FKBP11: variants seen among roughly 807,000 people sequenced by gnomAD.
FKBP11 encodes FKBP prolyl isomerase 11, also known as peptidyl-prolyl cis-trans isomerase FKBP11.
A neutral mutation model predicts 24.7 loss-of-function variants in FKBP11; 21 were observed. The ratio of observed to expected loss-of-function variants is 0.85; its 90% CI spans 0.60 to 1.23. The LOEUF (loss-of-function observed/expected upper bound fraction) is 1.23. FKBP11 is among the 50% of genes most tolerant of loss of function. FKBP11 has a pLI of 0.00. For missense variants in FKBP11, 245 were observed against 248.7 expected (o/e 0.99, Z 0.10); for synonymous variants, 106 against 100.6 (o/e 1.05, Z -0.32).
the FKBP11 span, among the ~76,000 whole-genome samples, chr12:48,932,221 ATATATT>A: frequency 2.5e-4 from 14 of 55,172 alleles, no homozygotes; most frequent in Middle Eastern, 0.01. Flanking sequence ...TCATATAAAC[ATATATT>A]TATATATATA....
chr12:48,924,763 G>C (rs2293449), intron 2 of FKBP11, 115 bp from the exon 3 acceptor site: 2 of 1,522,728 alleles, frequency 1.3e-6, no homozygotes, highest in African/African-American at 1.4e-5. Flanking sequence ...GCAGCCTAGC[G>C]TTCCCCTTAC....
intron 2 of FKBP11, 88 bp downstream of exon 2, chr12:48,924,958 G>T: frequency 8.1e-6 from 12 of 1,488,832 alleles, no homozygotes; most frequent in Admixed American, 2.3e-5. Flanking sequence ...CTCCCGAACC[G>T]CTTGCCACGT....
chr12:48,933,746 T>C, the FKBP11 span, among the ~76,000 whole-genome samples: 1 of 147,916 alleles, frequency 6.8e-6, no homozygotes, highest in South Asian at 2.1e-4. Context: ...GCACTCATAA[T>C]CCCAGCAACT....
chr12:48,935,378 T>C, the FKBP11 span, among the ~76,000 whole-genome samples: 1 of 152,206 alleles, frequency 6.6e-6, no homozygotes, highest in Admixed American at 6.5e-5. Flanking sequence ...GCCTAAATCC[T>C]ATCCCTTTCC....
At chr12:48,925,175 G>C in intron 1 of FKBP11, 64 bp from the exon 2 acceptor site, 1 of 1,596,122 alleles carries the variant, frequency 6.3e-7, no homozygotes, top group Non-Finnish European at 8.5e-7. Flanking sequence ...CCCTAGACCC[G>C]GCACCACCCC....
Position 48,922,217 on chromosome 12 carries a change from GGT to G in FKBP11, c.389-18_389-17del, listed in dbSNP as rs747670884. ...ACTGCATCCGCTGGAGAGGCAGAGG[GGT>G]GGAGAGGGTTAGACTCTCTGCATTT... On this transcript the variant is annotated splice_polypyrimidine_tract_variant and intron_variant, in intron 5 of 5. Transcript: ENST00000550765. 1 of 1,605,052 alleles carries G rather than the reference GGT, an allele frequency of 6.2e-7. No homozygotes were observed. Among genetic ancestry groups the G allele is most frequent in the Non-Finnish European group, 8.5e-7 (1 of 1,173,178 alleles).
At chr12:48,931,537 C>T in the FKBP11 span, 2 of 1,389,412 alleles carry the variant, frequency 1.4e-6, no homozygotes, top group Non-Finnish European at 2.0e-6. Context: ...AGAGTTGGCC[C>T]ACCCCTGGCT....
At chr12:48,936,018 G>A in the FKBP11 span, 2 of 152,234 alleles carry the variant, frequency 1.3e-5, no homozygotes, top group Non-Finnish European at 2.9e-5. Context: ...GGTATGATGG[G>A]AAGAAATAAC....
rs907202604 is a variant in FKBP11, at chr12:48,923,814, T to C, written c.356A>G (p.Tyr119Cys). 5.6e-6 allele frequency: 9 copies of C among 1,614,136 alleles called. No homozygotes were observed. Among genetic ancestry groups the C allele is most frequent in the African/African-American group, 2.7e-5 (2 of 75,022 alleles). ...RRAIIPSHLAYGKRGFPPSVP... is the reference protein window; with the variant it reads ...RRAIIPSHLACGKRGFPPSVP... ...AGATGGTGGAAATCCCCGTTTTCCA[T>C]AGGCCAAGTGAGAAGGAATGATTGC... Residue 119 changes from tyrosine (Y) to cysteine (C), a missense_variant, in exon 5 of 6, where the codon TAT becomes TGT. By Grantham distance (194) the Tyr-to-Cys change is radical. Transcript: ENST00000550765.
intron 2 of FKBP11, 74 bp downstream of exon 2, chr12:48,924,972 C>G: frequency 6.5e-7 from 1 of 1,531,906 alleles, no homozygotes; most frequent in African/African-American, 1.4e-5. Flanking sequence ...GCCACGTGTC[C>G]AAGCCAAAGC....
At chr12:48,922,848 G>T (rs1334119299) in intron 5 of FKBP11, 23 of 1,025,366 alleles carry the variant, frequency 2.2e-5, no homozygotes, top group Non-Finnish European at 2.6e-5. Flanking sequence ...CTGGAACTAG[G>T]ATAAGAATTA....
chr12:48,925,094 T>A lies in FKBP11; in HGVS notation c.147A>T (p.Pro49=), dbSNP rs781630028. 2.6e-6 allele frequency: 4 copies of A among 1,530,622 alleles called. No homozygotes were observed. Among genetic ancestry groups the A allele is most frequent in the Non-Finnish European group, 3.5e-6 (4 of 1,127,930 alleles). The allele number at this position is 1,530,622 out of a possible 1,614,324, so 94.8% of individuals were successfully genotyped here. A position where few individuals can be genotyped will look rare whatever the true frequency, so the allele number is the denominator to read the frequency against. The change falls in exon 2 of 6, where the codon CCA becomes CCT. Residue 49 remains proline, a synonymous_variant. Transcript: ENST00000550765. The part of the protein sequence containing the change: ...QVETLVEPPE[P]CAEPAAFGDT... ...CTCCAAAAGCAGCGGGCTCGGCACA[T>A]GGTTCTGGGGGCTCCACCTACGATC...
chr12:48,934,520 C>T, the FKBP11 span, among the ~76,000 whole-genome samples: 7 of 152,194 alleles, frequency 4.6e-5, no homozygotes, highest in African/African-American at 1.7e-4. Context: ...GCTTCAGCAA[C>T]TGCCACAAGA....
chr12:48,933,340 G>A, the FKBP11 span, among the ~76,000 whole-genome samples: 2 of 152,142 alleles, frequency 1.3e-5, no homozygotes, highest in Non-Finnish European at 2.9e-5. Flanking sequence ...TCTCTCTCCA[G>A]GTACTGGGTT....
upstream of FKBP11, among the ~76,000 whole-genome samples, chr12:48,928,816 ATCTT>A (rs1940013452): frequency 7.7e-5 from 8 of 103,472 alleles, no homozygotes; most frequent in Non-Finnish European, 1.6e-4. Flanking sequence ...ATAAACTTCT[ATCTT>A]TTTTTTTTTT....
At chr12:48,933,120 C>A in the FKBP11 span, among the ~76,000 whole-genome samples, 7 of 152,226 alleles carry the variant, frequency 4.6e-5, no homozygotes, top group Admixed American at 4.6e-4. Context: ...CACATCTACA[C>A]CTCCAACCAC....
upstream of FKBP11, among the ~76,000 whole-genome samples, chr12:48,927,270 T>C (rs1001035171): frequency 6.6e-6 from 1 of 152,104 alleles, no homozygotes; most frequent in African/African-American, 2.4e-5. Context: ...TCTCTCCAGC[T>C]CTTCCCTTCC....
At chr12:48,932,448 C>A in the FKBP11 span, among the ~76,000 whole-genome samples, 1 of 149,856 alleles carries the variant, frequency 6.7e-6, no homozygotes, top group Admixed American at 6.7e-5. Flanking sequence ...ATACCCCCAG[C>A]TGACTAGATG....
chr12:48,932,247 ATATATATATATATATTT>A, the FKBP11 span, among the ~76,000 whole-genome samples: 1 of 36,168 alleles, frequency 2.8e-5, no homozygotes, highest in African/African-American at 1.1e-4. Flanking sequence ...ATATATATAT[ATATATATATATATATTT>A]TTTTTTTTTT....
Sources: gnomAD v4.1 joint callset for allele counts (sites outside exome capture counted in the v4.1 genomes callset) on GRCh38, gnomAD v4.1.1 for gene constraint, MANE v1.5 for transcripts, NCBI Gene and HGNC (gene_info 2026-07-23, HGNC 2026-07-21) for gene names.